PPIL4: variants seen among roughly 807,000 people sequenced by gnomAD.
PPIL4 encodes peptidylprolyl isomerase like 4.
PPIL4 carries 50 observed loss-of-function variants against 69.1 expected under a neutral mutation model. The ratio of observed to expected loss-of-function variants is 0.72; its 90% confidence interval spans 0.58 to 0.92. The LOEUF (loss-of-function observed/expected upper bound fraction) is 0.92, where lower values mean the gene tolerates loss of function less well. Among genes scored for constraint, PPIL4 ranks in the 40% least tolerant of loss-of-function variants. PPIL4 has a pLI of 0.00. For synonymous variants in PPIL4, 193 were observed against 191.6 expected, an observed-to-expected ratio of 1.01 and a Z score of -0.06; for missense variants, 480 against 587.9, an observed-to-expected ratio of 0.82 and a Z score of 1.90.
At chr6:149,519,908 T>C (rs1227926693) in intron 10 of PPIL4, among the ~76,000 whole-genome samples, 1 of 152,192 alleles carries the variant, frequency 6.6e-6, no homozygotes, top group Non-Finnish European at 1.5e-5. Context: ...TTAAAAACAC[T>C]GCATCAAAAA....
rs1435511235 is a variant in PPIL4, at chr6:149,536,750, A to G, written c.322-1012T>C. ...AATTACTCCATCTCAAAAAAAAAAA[A>G]AAAAGAAAAGAAAAATTTAAGGAAA... On this transcript the variant is annotated intron_variant, in intron 4 of 12. Coordinates refer to ENST00000253329, the MANE Select transcript of PPIL4 (RefSeq NM_139126.4). Among the ~76,000 whole-genome samples the G allele has an allele frequency of 4.0e-5, 6 of 151,896 alleles. No homozygotes were observed. In the East Asian group the frequency reaches 5.8e-4, roughly 15 times the overall value.
At chr6:149,528,412 T>G (rs1210264529) in intron 7 of PPIL4, among the ~76,000 whole-genome samples, 3 of 152,252 alleles carry the variant, frequency 2.0e-5, no homozygotes, top group African/African-American at 7.2e-5. Flanking sequence ...TTTAAAATAC[T>G]ATTAGGAAAT....
chr6:149,508,723 T>G (rs1179799446), intron 12 of PPIL4, among the ~76,000 whole-genome samples: 1 of 152,204 alleles, frequency 6.6e-6, no homozygotes, highest in Admixed American at 6.5e-5. Context: ...ACGCATTTCC[T>G]GTAACCCCAG....
chr6:149,517,203 A>G (rs1776958484), intron 11 of PPIL4, 151 bp downstream of exon 11: 4 of 598,650 alleles, frequency 6.7e-6, no homozygotes, highest in African/African-American at 3.9e-5. Flanking sequence ...GAAAAGAGAT[A>G]ATGATAAACT....
intron 7 of PPIL4, 74 bp from the exon 8 acceptor site, chr6:149,526,850 A>C: frequency 1.4e-6 from 2 of 1,386,562 alleles, no homozygotes; most frequent in Non-Finnish European, 2.0e-6. Context: ...CAATCCCACA[A>C]TGCTGATTTC....
intron 1 of PPIL4, among the ~76,000 whole-genome samples, chr6:149,542,124 C>G (rs1459492995): frequency 6.6e-6 from 1 of 151,446 alleles, no homozygotes; most frequent in Non-Finnish European, 1.5e-5. Context: ...TGGGCTAATA[C>G]AGAAAACTGA....
At chr6:149,534,636 T>C in intron 6 of PPIL4, 42 bp downstream of exon 6, 1 of 989,288 alleles carries the variant, frequency 1.0e-6, no homozygotes, top group Non-Finnish European at 1.5e-6. Context: ...ATACAAATCA[T>C]TAATATGAAT....
At chr6:149,512,494 C>G (rs1562256247) in intron 11 of PPIL4, among the ~76,000 whole-genome samples, 192 bp from the exon 12 acceptor site, 1 of 151,820 alleles carries the variant, frequency 6.6e-6, no homozygotes, top group Non-Finnish European at 1.5e-5. Flanking sequence ...TGGAAAGAAT[C>G]CTAATCCTAA....
chr6:149,507,233 G>A (rs1489980479), intron 12 of PPIL4, among the ~76,000 whole-genome samples: 1 of 152,132 alleles, frequency 6.6e-6, no homozygotes, highest in African/African-American at 2.4e-5. Context: ...ATACTGTCTA[G>A]ATACTGTACA....
rs1483379073 is a variant in PPIL4 at position 149,541,054 on chromosome 6, A to C, written c.209T>G (p.Leu70Arg). Residue 70 changes from leucine (L) to arginine (R), a missense_variant, in exon 4 of 13, where the codon CTG (leucine) becomes CGG (arginine). Physicochemically the swap from Leu to Arg is moderately radical, Grantham distance 102. Coordinates refer to ENST00000253329, the MANE Select transcript of PPIL4 (RefSeq NM_139126.4). ...AAAAAAGCTTGCTTGATCACCATAC[A>C]GTTGGCTGAAAAAACATATAAGGTT... Reference protein sequence around the residue: ...GRGGESIFGQLYGDQASFFEA... With the variant: ...GRGGESIFGQRYGDQASFFEA... 2 of 1,591,090 alleles carry C rather than the reference A, an allele frequency of 1.3e-6. No homozygotes were observed. Among genetic ancestry groups the C allele is most frequent in the Admixed American group, 3.3e-5 (2 of 59,884 alleles).
Position 149,533,834 on chromosome 6 carries a change from TA to T in PPIL4, c.562-261del, listed in dbSNP as rs543601614. Among the ~76,000 whole-genome samples the T allele has an allele frequency of 1.3e-3, 198 of 152,266 alleles. 1 individual carries two copies. Among genetic ancestry groups the T allele is most frequent in the African/African-American group, 4.7e-3 (196 of 41,566 alleles). ...TCCAAGAATTGATTTATATTAATTC[TA>T]AAATATTAGCCAAAGTGGGCTTCTG... is the stretch of plus-strand genomic sequence containing the variant. On this transcript the variant is annotated intron_variant, in intron 6 of 12. Transcript: ENST00000253329.
intron 4 of PPIL4, among the ~76,000 whole-genome samples, chr6:149,540,552 T>G (rs1030210008): frequency 3.9e-5 from 6 of 152,174 alleles, no homozygotes; most frequent in Non-Finnish European, 8.8e-5. Context: ...GAGGGAGAGG[T>G]TGCAGTGAGC....
chr6:149,525,778 C>G (rs1777096930), intron 8 of PPIL4, among the ~76,000 whole-genome samples: 1 of 152,084 alleles, frequency 6.6e-6, no homozygotes, highest in African/African-American at 2.4e-5. Context: ...TGTCCCTTGC[C>G]CCAAGTGTCA....
intron 11 of PPIL4, among the ~76,000 whole-genome samples, chr6:149,513,412 AATATAT>A (rs1200919281): frequency 0.054 from 3,002 of 55,142 alleles, 154 homozygotes; most frequent in East Asian, 0.11. Flanking sequence ...AAAAAAAAAA[AATATAT>A]ATATATATAT....
intron 5 of PPIL4, among the ~76,000 whole-genome samples, chr6:149,535,270 G>C (rs1362984401): frequency 6.6e-6 from 1 of 152,124 alleles, no homozygotes; most frequent in East Asian, 1.9e-4. Flanking sequence ...GCAGGAGAAT[G>C]GTGTGAACCC....
chr6:149,540,705 A>C (rs1777345431), intron 4 of PPIL4, among the ~76,000 whole-genome samples: 1 of 152,216 alleles, frequency 6.6e-6, no homozygotes, highest in Non-Finnish European at 1.5e-5. Context: ...GTGGAGTTGT[A>C]GGTAATGTTT....
Position 149,541,519 on chromosome 6 carries a change from C to G in PPIL4, c.138G>C (p.Gln46His). 1 of 1,567,258 alleles carries G rather than the reference C, an allele frequency of 6.4e-7. No individual in the cohort carries two copies. The highest frequency in any genetic ancestry group is 8.8e-7 in the Non-Finnish European group (1 of 1,138,354). Residue 46 changes from glutamine (Q) to histidine (H), a missense_variant and splice_region_variant, in exon 2 of 13, where the codon CAG becomes CAC. Gln to His is a conservative substitution (Grantham distance 24, BLOSUM62 0). Transcript: ENST00000253329. ...AAATGACTAATATCTACCAACTCAC[C>G]TGTACATTGTGAATAAGGCAATAAT... is the stretch of plus-strand genomic sequence containing the variant. ...YYNYCLIHNV[Q>H]RDFIIQTGDP... is the part of the protein sequence containing the mutation.
At chr6:149,514,666 G>A (rs1400830256) in intron 11 of PPIL4, among the ~76,000 whole-genome samples, 1 of 151,100 alleles carries the variant, frequency 6.6e-6, no homozygotes, top group Non-Finnish European at 1.5e-5. Flanking sequence ...CATCAATGGG[G>A]TATAAAATCT....
At chr6:149,512,114 ATATT>A in intron 12 of PPIL4, 37 bp downstream of exon 12, 1 of 1,481,480 alleles carries the variant, frequency 6.8e-7, no homozygotes, top group Non-Finnish European at 9.2e-7. Flanking sequence ...GAGGGATAAA[ATATT>A]TATTTCTCCA....
Sources: gnomAD v4.1 joint callset for allele counts (sites outside exome capture counted in the v4.1 genomes callset) on GRCh38, gnomAD v4.1.1 for gene constraint, MANE v1.5 for transcripts, NCBI Gene and HGNC (gene_info 2026-07-23, HGNC 2026-07-21) for gene names.